Variants in KHDRBS2 observed in about 807,000 individuals in gnomAD.
KHDRBS2 encodes KH domain-containing, RNA-binding, signal transduction-associated protein 2.
KHDRBS2 carries 26 observed loss-of-function variants against 44.3 expected under a neutral mutation model. The observed-to-expected ratio is 0.59, with a 90% CI of 0.43 to 0.81. The LOEUF is 0.81. KHDRBS2 is among the 40% of genes least tolerant of loss of function. KHDRBS2 has a pLI of 0.00. For synonymous variants in KHDRBS2, 194 were observed against 151.1 expected, an observed-to-expected ratio of 1.28 and a Z score of -2.08; for missense variants, 476 against 433.1, an observed-to-expected ratio of 1.10 and a Z score of -0.88.
chr6:61,728,928 A>G (rs1774005456), intron 7 of KHDRBS2, among the ~76,000 whole-genome samples: 1 of 151,702 alleles, frequency 6.6e-6, no homozygotes, highest in Admixed American at 6.5e-5. Flanking sequence ...ATGATTCTTC[A>G]AAGACCTAAA....
At chr6:62,238,512 A>C (rs1003069924) in intron 1 of KHDRBS2, among the ~76,000 whole-genome samples, 1 of 152,188 alleles carries the variant, frequency 6.6e-6, no homozygotes, top group East Asian at 1.9e-4. Context: ...CATAACATCT[A>C]AACTTAGTTC....
chr6:61,697,043 C>T (rs1767983788), intron 8 of KHDRBS2, 152 bp downstream of exon 8: 2 of 671,094 alleles, frequency 3.0e-6, no homozygotes, highest in Non-Finnish European at 5.3e-6. Flanking sequence ...CTGGTACTAG[C>T]TGTGTAAGTC....
chr6:62,152,909 A>T (rs1815530796), intron 2 of KHDRBS2, among the ~76,000 whole-genome samples: 1 of 152,208 alleles, frequency 6.6e-6, no homozygotes, highest in Non-Finnish European at 1.5e-5. Flanking sequence ...CAGGCTCTTC[A>T]AATTGCATAT....
chr6:61,849,875 T>A (rs1455015617), intron 6 of KHDRBS2, among the ~76,000 whole-genome samples: 1 of 152,154 alleles, frequency 6.6e-6, no homozygotes, highest in African/African-American at 2.4e-5. Flanking sequence ...TCCTATGGCT[T>A]ACTGAATAGG....
intron 3 of KHDRBS2, among the ~76,000 whole-genome samples, chr6:62,042,500 TA>T (rs1163257888): frequency 7.9e-5 from 12 of 152,150 alleles, no homozygotes; most frequent in Admixed American, 7.9e-4. Flanking sequence ...TTCAAGATAT[TA>T]AAGAGTTGAA....
chr6:62,051,749 G>T (rs555396671), intron 2 of KHDRBS2, among the ~76,000 whole-genome samples: 60 of 151,938 alleles, frequency 3.9e-4, no homozygotes, highest in Non-Finnish European at 6.5e-4. Flanking sequence ...ATCTATTAAG[G>T]GTTATTATTC....
intron 6 of KHDRBS2, among the ~76,000 whole-genome samples, chr6:61,856,625 T>C (rs1281317381): frequency 3.9e-5 from 6 of 152,104 alleles, no homozygotes; most frequent in South Asian, 2.1e-4. Flanking sequence ...GAGTTTCTTT[T>C]GCCTTTAGGT....
chr6:61,606,073 A>G, the KHDRBS2 span, among the ~76,000 whole-genome samples: 1 of 149,696 alleles, frequency 6.7e-6, no homozygotes, highest in Non-Finnish European at 1.5e-5. Flanking sequence ...CACCTTGTGA[A>G]CCCCGCCCCT....
chr6:61,989,357 T>C (rs1476175150), intron 3 of KHDRBS2, among the ~76,000 whole-genome samples: 1 of 152,240 alleles, frequency 6.6e-6, no homozygotes, highest in Non-Finnish European at 1.5e-5. Context: ...GTTGCAAAAC[T>C]ACTTCCTGTC....
At position 62,110,605 on chromosome 6, in the gene KHDRBS2, T is replaced by C. The variant is rs1333670171; in HGVS notation, c.220-62611A>G. ...AGTCAGACTCCTCCAGAGTCCTCTC[T>C]CCCAAAAAACCCAATACATACTGCA... On this transcript the variant is annotated intron_variant, in intron 2 of 8. Transcript: ENST00000281156. Among the ~76,000 whole-genome samples the C allele has an allele frequency of 3.3e-5, 5 of 152,048 alleles. 1 individual carries two copies. In the South Asian group the frequency reaches 8.3e-4, roughly 25 times the overall value.
At chr6:61,749,235 G>T (rs916696675) in intron 6 of KHDRBS2, among the ~76,000 whole-genome samples, 1 of 151,648 alleles carries the variant, frequency 6.6e-6, no homozygotes, top group Non-Finnish European at 1.5e-5. Flanking sequence ...GGATGATCTC[G>T]ATCTCCTGAC....
At chr6:61,801,908 T>C (rs1401191857) in intron 6 of KHDRBS2, among the ~76,000 whole-genome samples, 1 of 152,136 alleles carries the variant, frequency 6.6e-6, no homozygotes, top group African/African-American at 2.4e-5. Flanking sequence ...GACCTTAAGA[T>C]AGAGGATTAT....
At chr6:61,595,810 T>C in the KHDRBS2 span, among the ~76,000 whole-genome samples, 7 of 151,776 alleles carry the variant, frequency 4.6e-5, no homozygotes, top group South Asian at 1.2e-3. Context: ...ACTAATGTTT[T>C]AGTATTTAAC....
intron 6 of KHDRBS2, among the ~76,000 whole-genome samples, chr6:61,835,710 C>CGTGTGT (rs3078000): frequency 0.045 from 6,533 of 145,496 alleles, 145 homozygotes; most frequent in Middle Eastern, 0.05. Context: ...TTGATGTGTG[C>CGTGTGT]GTGTGTGTGT....
intron 2 of KHDRBS2, among the ~76,000 whole-genome samples, chr6:62,055,293 T>C (rs1584396200): frequency 6.6e-6 from 1 of 152,022 alleles, no homozygotes; most frequent in East Asian, 1.9e-4. Flanking sequence ...AAATGTGTCA[T>C]TGAAGGAGGA....
intron 6 of KHDRBS2, among the ~76,000 whole-genome samples, chr6:61,893,669 T>C (rs952002459): frequency 6.6e-6 from 1 of 152,062 alleles, no homozygotes; most frequent in African/African-American, 2.4e-5. Context: ...AAACACCGCA[T>C]GTTCTCACTC....
At chr6:61,676,519 G>A (rs1765953050), downstream of KHDRBS2, among the ~76,000 whole-genome samples, 1 of 151,746 alleles carries the variant, frequency 6.6e-6, no homozygotes, top group African/African-American at 2.4e-5. Flanking sequence ...ATGTTATTGT[G>A]TCCACTGACA....
the KHDRBS2 span, among the ~76,000 whole-genome samples, chr6:61,545,478 C>T: frequency 1.1e-4 from 16 of 146,016 alleles, no homozygotes; most frequent in African/African-American, 3.0e-4. Flanking sequence ...TTAGCTCATA[C>T]GTAAAATATT....
the KHDRBS2 span, among the ~76,000 whole-genome samples, chr6:61,552,212 A>G: frequency 4.6e-5 from 7 of 151,536 alleles, no homozygotes; most frequent in Non-Finnish European, 1.0e-4. Flanking sequence ...TGTAATTCTA[A>G]TTGTAGAGAT....
Sources: allele counts gnomAD v4.1 joint callset (sites outside exome capture counted in the v4.1 genomes callset), GRCh38; gene constraint gnomAD v4.1.1; transcripts MANE v1.5; gene names NCBI Gene and HGNC (gene_info 2026-07-23, HGNC 2026-07-21).